SNTG1: variants seen among roughly 807,000 people sequenced by gnomAD.
SNTG1 encodes gamma-1-syntrophin.
SNTG1 carries 39 observed loss-of-function variants against 74.7 expected under a neutral mutation model. The ratio of observed to expected loss-of-function variants is 0.52; its 90% CI spans 0.40 to 0.68. The LOEUF (loss-of-function observed/expected upper bound fraction) is 0.68, where lower values mean the gene tolerates loss of function less well. Among genes scored for constraint, SNTG1 ranks in the 30% least tolerant of loss-of-function variants. The probability of loss-of-function intolerance (pLI) is 0.00; values close to 1 mark genes in which losing one functional copy is unlikely to be tolerated. For missense variants in SNTG1, 685 were observed against 609.5 expected (o/e 1.12, Z -1.30); for synonymous variants, 254 against 217.1 (o/e 1.17, Z -1.49).
chr8:50,185,772 A>AT (rs1316906947), intron 2 of SNTG1, among the ~76,000 whole-genome samples: 3 of 150,376 alleles, frequency 2.0e-5, no homozygotes, highest in African/African-American at 4.9e-5. Flanking sequence ...CTATGAATTC[A>AT]TTTTTTTCTA....
intron 1 of SNTG1, among the ~76,000 whole-genome samples, chr8:49,946,144 AG>A (rs1381486546): frequency 6.6e-6 from 1 of 152,146 alleles, no homozygotes; most frequent in Non-Finnish European, 1.5e-5. Context: ...TTATAAATGT[AG>A]GAAGTACTTT....
At chr8:50,734,969 A>G (rs1302273816) in intron 17 of SNTG1, among the ~76,000 whole-genome samples, 1 of 145,370 alleles carries the variant, frequency 6.9e-6, no homozygotes, top group South Asian at 2.2e-4. Context: ...ATATATCCAT[A>G]TATATCTATC....
intron 18 of SNTG1, chr8:50,762,834 G>T (rs1250961224): frequency 1.0e-5 from 4 of 392,472 alleles, no homozygotes; most frequent in African/African-American, 8.3e-5. Context: ...AGCAATGAAG[G>T]TTCCTGCTCC....
At chr8:50,543,503 C>G (rs372081698) in intron 11 of SNTG1, among the ~76,000 whole-genome samples, 7 of 151,990 alleles carry the variant, frequency 4.6e-5, no homozygotes, top group African/African-American at 1.7e-4. Context: ...GGAGATTCTT[C>G]CAAGTAGTTT....
At chr8:50,619,898 G>A (rs1405463189) in intron 13 of SNTG1, among the ~76,000 whole-genome samples, 5 of 149,602 alleles carry the variant, frequency 3.3e-5, no homozygotes, top group African/African-American at 5.0e-5. Context: ...CTCTCTTCCA[G>A]GCATGTCTGC....
At chr8:49,947,440 C>T (rs1809299315) in intron 1 of SNTG1, among the ~76,000 whole-genome samples, 1 of 152,138 alleles carries the variant, frequency 6.6e-6, no homozygotes, top group Admixed American at 6.6e-5. Flanking sequence ...TTGTTGTCAC[C>T]ACTATCTTTA....
chr8:50,775,864 CTG>C (rs987384855), intron 18 of SNTG1, among the ~76,000 whole-genome samples: 26 of 150,994 alleles, frequency 1.7e-4, no homozygotes, highest in Non-Finnish European at 5.9e-5. Flanking sequence ...ATTAATTAAT[CTG>C]TCTCATTTCA....
intron 3 of SNTG1, among the ~76,000 whole-genome samples, chr8:50,397,429 T>C (rs1440420913): frequency 1.3e-5 from 2 of 152,208 alleles, no homozygotes; most frequent in Non-Finnish European, 2.9e-5. Context: ...AGCACCAACC[T>C]GCAGCTGCTC....
At chr8:50,060,539 G>A (rs1820381702) in intron 1 of SNTG1, among the ~76,000 whole-genome samples, 1 of 151,870 alleles carries the variant, frequency 6.6e-6, no homozygotes, top group African/African-American at 2.4e-5. Context: ...TGTGATTTAT[G>A]GGGATTTCTT....
intron 1 of SNTG1, among the ~76,000 whole-genome samples, chr8:50,144,014 G>A (rs1410421529): frequency 6.6e-6 from 1 of 152,142 alleles, no homozygotes; most frequent in Non-Finnish European, 1.5e-5. Context: ...ATGAATCCTG[G>A]AGAGCAGGAC....
intron 1 of SNTG1, among the ~76,000 whole-genome samples, chr8:50,041,547 T>TA (rs1173567638): frequency 2.0e-5 from 3 of 152,306 alleles, no homozygotes; most frequent in African/African-American, 7.2e-5. Flanking sequence ...CAGTAGAACT[T>TA]ACGATTGTAA....
Position 50,225,105 on chromosome 8 carries a change from G to C in SNTG1, c.-28+52470G>C, listed in dbSNP as rs551822553. Among the ~76,000 whole-genome samples, 233 of 151,994 alleles carry C rather than the reference G, an allele frequency of 1.5e-3. 1 individual carries two copies. Among genetic ancestry groups the C allele is most frequent in the African/African-American group, 5.4e-3 (225 of 41,486 alleles). On this transcript the variant is annotated intron_variant, in intron 2 of 18. Transcript: ENST00000642720. ...CCTGCCTCAGCCTCCTGAGTAGCTG[G>C]GACTACAGGCGCCCACCACCACGTC...
intron 1 of SNTG1, among the ~76,000 whole-genome samples, chr8:49,979,316 G>C (rs948961909): frequency 6.6e-6 from 1 of 152,198 alleles, no homozygotes; most frequent in African/African-American, 2.4e-5. Context: ...ACAGCCCAGA[G>C]CACGGATGGG....
intron 15 of SNTG1, among the ~76,000 whole-genome samples, chr8:50,672,948 T>C (rs2095291854): frequency 6.6e-6 from 1 of 152,220 alleles, no homozygotes; most frequent in Admixed American, 6.5e-5. Context: ...TAGGGAATCC[T>C]TTTCCCATGC....
intron 4 of SNTG1, among the ~76,000 whole-genome samples, chr8:50,432,137 G>C (rs1315081188): frequency 6.6e-6 from 1 of 152,010 alleles, no homozygotes; most frequent in Non-Finnish European, 1.5e-5. Flanking sequence ...TTCTCTTCTA[G>C]TACTACTGTG....
At chr8:50,369,952 A>G (rs1010410691) in intron 2 of SNTG1, among the ~76,000 whole-genome samples, 3 of 152,188 alleles carry the variant, frequency 2.0e-5, no homozygotes, top group African/African-American at 4.8e-5. Flanking sequence ...CTCTATTTCT[A>G]ATATTCCATG....
At chr8:50,183,651 C>G (rs542886122) in intron 2 of SNTG1, among the ~76,000 whole-genome samples, 1 of 152,092 alleles carries the variant, frequency 6.6e-6, no homozygotes. Flanking sequence ...AAAATCTTAA[C>G]CATAATTAAA....
At chr8:50,024,665 G>A (rs1027627090) in intron 1 of SNTG1, among the ~76,000 whole-genome samples, 1 of 152,094 alleles carries the variant, frequency 6.6e-6, no homozygotes, top group African/African-American at 2.4e-5. Context: ...ATTAGGCACA[G>A]TCAGAGATTA....
chr8:50,735,703 A>C (rs1047778673), intron 17 of SNTG1, among the ~76,000 whole-genome samples: 2 of 152,040 alleles, frequency 1.3e-5, no homozygotes, highest in Non-Finnish European at 2.9e-5. Context: ...ACTCTTTAGG[A>C]TAATATCCAG....
Sources: gnomAD v4.1 joint callset for allele counts (sites outside exome capture counted in the v4.1 genomes callset) on GRCh38, gnomAD v4.1.1 for gene constraint, MANE v1.5 for transcripts, NCBI Gene and HGNC (gene_info 2026-07-23, HGNC 2026-07-21) for gene names.